Variants in DGKB observed in about 807,000 individuals in gnomAD.
DGKB encodes diacylglycerol kinase beta.
In DGKB, 67 loss-of-function variants were observed where a neutral mutation model predicts 114.3. The ratio of observed to expected loss-of-function variants is 0.59; its 90% confidence interval spans 0.48 to 0.72. DGKB has a LOEUF of 0.72. DGKB is among the 30% of genes least tolerant of loss of function. The pLI is 0.00. For synonymous variants in DGKB, 398 were observed against 323.1 expected (o/e 1.23, Z -2.49); for missense variants, 907 against 975.2 (o/e 0.93, Z 0.93).
At chr7:14,792,185 A>C (rs1840754344) in intron 2 of DGKB, among the ~76,000 whole-genome samples, 1 of 152,156 alleles carries the variant, frequency 6.6e-6, no homozygotes. Context: ...TGACATCTAC[A>C]GGTTACTCAG....
intron 21 of DGKB, among the ~76,000 whole-genome samples, chr7:14,443,916 A>G (rs375449118): frequency 1.3e-5 from 2 of 151,828 alleles, no homozygotes; most frequent in African/African-American, 4.8e-5. Flanking sequence ...CTGGATTCTA[A>G]TCGCATGCTT....
In DGKB at chr7:14,628,816, A is replaced by G. The variant is rs185297679; in HGVS notation, c.1167+1420T>C. On this transcript the variant is annotated intron_variant, in intron 14 of 25. Coordinates refer to ENST00000402815, the MANE Select transcript of DGKB (RefSeq NM_001350709.2). ...GAACAACAAAGTTGAAAAATCTTAT[A>G]TAATGACTTTGAGGGATACTGGAAA... Among the ~76,000 whole-genome samples the G allele has an allele frequency of 2.0e-4, 30 of 152,274 alleles. No individual in the cohort carries two copies. The East Asian group carries it at 5.4e-3, about 27-fold the overall frequency.
At chr7:14,958,230 T>G (rs1786627993) in intron 1 of DGKB, among the ~76,000 whole-genome samples, 1 of 151,966 alleles carries the variant, frequency 6.6e-6, no homozygotes, top group Non-Finnish European at 1.5e-5. Flanking sequence ...CTGCAAAGTT[T>G]TCCAGGATAG....
chr7:14,458,001 A>G (rs1832531923), intron 21 of DGKB, among the ~76,000 whole-genome samples: 1 of 152,214 alleles, frequency 6.6e-6, no homozygotes, highest in South Asian at 2.1e-4. Context: ...GGCAAGGCTG[A>G]GTGCATGTGG....
In DGKB at chr7:14,823,437, A is replaced by T. The variant is rs1318589386; in HGVS notation, c.70+17757T>A. Among the ~76,000 whole-genome samples, 6 of 152,256 alleles carry T rather than the reference A, an allele frequency of 3.9e-5. No homozygotes were observed. In the East Asian group the frequency reaches 1.2e-3, roughly 29 times the overall value. On this transcript the variant is annotated intron_variant, in intron 2 of 25. Coordinates refer to ENST00000402815, the MANE Select transcript of DGKB (RefSeq NM_001350709.2). ...GAAAACACAGTTATTGTAACATATT[A>T]TTCAAGGTAAAAATCACTAAGACAT...
chr7:14,906,427 A>C (rs1783706343), upstream of DGKB, among the ~76,000 whole-genome samples: 1 of 145,992 alleles, frequency 6.8e-6, no homozygotes, highest in African/African-American at 2.5e-5. Context: ...ATAGAAATCT[A>C]TCTTTTTTCT....
At chr7:14,849,338 T>A (rs1312936057) in intron 1 of DGKB, among the ~76,000 whole-genome samples, 1 of 152,102 alleles carries the variant, frequency 6.6e-6, no homozygotes, top group Non-Finnish European at 1.5e-5. Flanking sequence ...GAAATTTAAT[T>A]GCCATTGTAA....
chr7:14,907,685 A>G (rs951692981), upstream of DGKB, among the ~76,000 whole-genome samples: 7 of 152,298 alleles, frequency 4.6e-5, no homozygotes, highest in African/African-American at 1.7e-4. Context: ...TTATACATGA[A>G]TATGTAACTG....
intron 5 of DGKB, among the ~76,000 whole-genome samples, chr7:14,721,855 TTAAAAC>T (rs59869267): frequency 0.084 from 12,757 of 152,162 alleles, 996 homozygotes; most frequent in African/African-American, 0.21. Context: ...ACTTAATTCT[TTAAAAC>T]TATTCTTTTT....
At chr7:14,954,089 T>C (rs1163568214) in intron 1 of DGKB, among the ~76,000 whole-genome samples, 1 of 152,080 alleles carries the variant, frequency 6.6e-6, no homozygotes, top group Non-Finnish European at 1.5e-5. Flanking sequence ...TTCTTGAAGA[T>C]GTTTTACCTA....
At chr7:14,596,191 T>C (rs1233314000) in intron 17 of DGKB, among the ~76,000 whole-genome samples, 3 of 152,152 alleles carry the variant, frequency 2.0e-5, no homozygotes, top group African/African-American at 7.2e-5. Flanking sequence ...TAATGATACA[T>C]TTAATATCAT....
At chr7:14,272,899 T>G (rs1798471488) in intron 23 of DGKB, among the ~76,000 whole-genome samples, 1 of 152,210 alleles carries the variant, frequency 6.6e-6, no homozygotes. Context: ...TGTGTAGGTT[T>G]GCATGTTGAG....
intron 1 of DGKB, among the ~76,000 whole-genome samples, chr7:14,944,285 T>A (rs1785738548): frequency 1.3e-5 from 2 of 151,834 alleles, no homozygotes; most frequent in South Asian, 4.1e-4. Context: ...TTATTTTGTA[T>A]CATTTAACAC....
chr7:14,379,551 TTTTTA>T (rs1819058483), intron 21 of DGKB, among the ~76,000 whole-genome samples: 5 of 151,990 alleles, frequency 3.3e-5, no homozygotes. Flanking sequence ...GCAATTGCTT[TTTTTA>T]TTTTATTTTT....
chr7:14,546,532 A>G (rs1794311288), intron 20 of DGKB, among the ~76,000 whole-genome samples: 1 of 152,184 alleles, frequency 6.6e-6, no homozygotes, highest in Non-Finnish European at 1.5e-5. Flanking sequence ...TTAATGCTCA[A>G]CTACTGCATT....
intron 8 of DGKB, among the ~76,000 whole-genome samples, chr7:14,696,556 T>TC (rs1170720350): frequency 1.6e-5 from 1 of 61,788 alleles, no homozygotes; most frequent in Non-Finnish European, 3.9e-5. Flanking sequence ...GAAAAACAAA[T>TC]CCCCCTCCCA....
intron 14 of DGKB, among the ~76,000 whole-genome samples, chr7:14,623,946 C>A (rs77842621): frequency 0.056 from 8,447 of 152,088 alleles, 805 homozygotes; most frequent in African/African-American, 0.19. Context: ...GATAGTGATA[C>A]CTATTTCTCA....
chr7:14,560,698 TG>T (rs1351276949), intron 20 of DGKB, among the ~76,000 whole-genome samples: 2 of 152,242 alleles, frequency 1.3e-5, no homozygotes, highest in Non-Finnish European at 2.9e-5. Context: ...TTCAAGATCC[TG>T]ATTTCAATCC....
chr7:14,495,484 G>A (rs1346005981), intron 20 of DGKB, among the ~76,000 whole-genome samples: 1 of 151,604 alleles, frequency 6.6e-6, no homozygotes, highest in Non-Finnish European at 1.5e-5. Flanking sequence ...TCTTTTGAAA[G>A]GACAGCAAAA....
Sources: gnomAD v4.1 joint callset for allele counts (sites outside exome capture counted in the v4.1 genomes callset) on GRCh38, gnomAD v4.1.1 for gene constraint, MANE v1.5 for transcripts, NCBI Gene and HGNC (gene_info 2026-07-23, HGNC 2026-07-21) for gene names.